OR51E2: variants seen among roughly 807,000 people sequenced by gnomAD.
OR51E2 encodes the protein olfactory receptor 51E2.
In OR51E2, 14 loss-of-function variants were observed where a neutral mutation model predicts 13.7. That is an observed-to-expected ratio of 1.02 (90% CI 0.68 to 1.60). The LOEUF (loss-of-function observed/expected upper bound fraction) is 1.60. Among genes scored for constraint, OR51E2 ranks in the 40% most tolerant of loss-of-function variants. The probability of loss-of-function intolerance (pLI) is 0.00; values close to 1 mark genes in which losing one functional copy is unlikely to be tolerated. For missense variants in OR51E2, 483 were observed against 413.8 expected, an observed-to-expected ratio of 1.17 and a Z score of -1.45; for synonymous variants, 180 against 157.6, an observed-to-expected ratio of 1.14 and a Z score of -1.07.
intron 1 of OR51E2, chr11:4,690,905 A>C: frequency 2.2e-6 from 1 of 456,404 alleles, no homozygotes; most frequent in Non-Finnish European, 4.4e-6. Context: ...CTTGTTTCCC[A>C]AATCTGTGAA....
Position 4,682,245 on chromosome 11 carries a change from A to C in OR51E2, c.467T>G (p.Phe156Cys). Residue 156 changes from phenylalanine to cysteine, a missense_variant, in exon 2 of 2, where the codon TTC becomes TGC. Transcript: ENST00000396950. Reference sequence around the variant, plus strand: ...CCGCTTGATCAGCAGAGGCAGTGGGAAAAAAAAGAGGGATCCGCGGACCAC... The same window carrying C: ...CCGCTTGATCAGCAGAGGCAGTGGGCAAAAAAAGAGGGATCCGCGGACCAC... Reference protein sequence around the residue: ...VAVVRGSLFFFPLPLLIKRLA... With the variant: ...VAVVRGSLFFCPLPLLIKRLA... 3.7e-6 allele frequency: 6 copies of C among 1,613,888 alleles called. No individual in the cohort carries two copies. The highest frequency in any genetic ancestry group is 4.2e-6 in the Non-Finnish European group (5 of 1,179,922).
Position 4,681,594 on chromosome 11 carries a change from A to ATTTATT in OR51E2, c.*154_*155insAATAAA. The stretch of plus-strand genomic sequence containing the variant: ...ACTTCATTAGTATGTATTATTCCAC[A>ATTTATT]TAATAGTCCTTTAGGTAGATGTACC... On this transcript the variant is annotated 3_prime_UTR_variant, in exon 2 of 2. Transcript: ENST00000396950. The ATTTATT allele has an allele frequency of 1.4e-6, 1 of 733,164 alleles. No individual in the cohort carries two copies. Among genetic ancestry groups the ATTTATT allele is most frequent in the East Asian group, 2.7e-5 (1 of 37,522 alleles). The allele number at this position is 733,164 out of a possible 1,614,324, so 45.4% of individuals were successfully genotyped here. A position where few individuals can be genotyped will look rare whatever the true frequency, so the allele number is the denominator to read the frequency against.
chr11:4,684,217 CT>C (rs1458859161), intron 1 of OR51E2, among the ~76,000 whole-genome samples: 2 of 152,212 alleles, frequency 1.3e-5, no homozygotes, highest in Admixed American at 6.5e-5. Flanking sequence ...ACCTTCAGAA[CT>C]TGTGCAGACA....
At chr11:4,687,853 CTTCTA>C (rs1167210610) in intron 1 of OR51E2, among the ~76,000 whole-genome samples, 1 of 152,108 alleles carries the variant, frequency 6.6e-6, no homozygotes, top group Non-Finnish European at 1.5e-5. Context: ...AGGAGAGCCC[CTTCTA>C]TTCTAAGTCA....
intron 1 of OR51E2, chr11:4,692,201 G>A (rs1465312041): frequency 2.2e-6 from 1 of 449,032 alleles, no homozygotes; most frequent in South Asian, 1.6e-5. Context: ...GACAATTTGG[G>A]AAGCCAGAAA....
In OR51E2 at chr11:4,682,070, G is replaced by A; in HGVS notation, c.642C>T (p.Ser214=). The change falls in exon 2 of 2, where the codon TCC becomes TCT. Residue 214 remains serine, a synonymous_variant. Coordinates refer to ENST00000396950, the MANE Select transcript of OR51E2 (RefSeq NM_030774.4). ...TTCGTATTATCAGAAAATAGGACAA[G>A]GAGATGAACATTACGTCCACGCCCA... is the stretch of plus-strand genomic sequence containing the variant. ...LVMGVDVMFI[S]LSYFLIIRTV... is the part of the protein sequence containing the mutation. The A allele has an allele frequency of 1.2e-6, 2 of 1,614,214 alleles. No homozygotes were observed. Among genetic ancestry groups the A allele is most frequent in the Non-Finnish European group, 1.7e-6 (2 of 1,180,040 alleles).
chr11:4,689,021 A>C (rs2133248985), intron 1 of OR51E2, among the ~76,000 whole-genome samples: 1 of 152,324 alleles, frequency 6.6e-6, no homozygotes, highest in Non-Finnish European at 1.5e-5. Flanking sequence ...ATACACAGGC[A>C]GTGGGATAAG....
Position 4,682,347 on chromosome 11 carries a change from T to C in OR51E2, c.365A>G (p.Tyr122Cys), listed in dbSNP as rs758245701. 2.5e-6 allele frequency: 4 copies of C among 1,614,034 alleles called. No individual in the cohort carries two copies. In the African/African-American group the frequency reaches 5.3e-5, roughly 22 times the overall value. ...GCGCAGTGGGTGGCAGATGGCCACA[T>C]AACGGTCAAAGGCCATGGCCAGCAG... Reference protein sequence around the residue: ...TILLAMAFDRYVAICHPLRHA... With the variant: ...TILLAMAFDRCVAICHPLRHA... The change falls in exon 2 of 2, where the codon TAT becomes TGT. Residue 122 changes from tyrosine to cysteine, a missense_variant. Transcript: ENST00000396950.
intron 1 of OR51E2, among the ~76,000 whole-genome samples, chr11:4,683,696 T>C (rs1418527658): frequency 6.6e-6 from 1 of 152,254 alleles, no homozygotes; most frequent in Non-Finnish European, 1.5e-5. Context: ...TTCCTGAAAC[T>C]TGTGCCAACA....
At chr11:4,691,478 C>G (rs1196931085) in intron 1 of OR51E2, 1 of 455,858 alleles carries the variant, frequency 2.2e-6, no homozygotes, top group South Asian at 1.6e-5. Flanking sequence ...TGGATATGGA[C>G]AGGCCGAGGT....
chr11:4,693,590 G>A (rs369498608), intron 1 of OR51E2, among the ~76,000 whole-genome samples: 3 of 152,016 alleles, frequency 2.0e-5, no homozygotes, highest in South Asian at 2.1e-4. Context: ...GCGTGGTGGC[G>A]GGCGCCTGTA....
rs1287518562 is a variant in OR51E2, at chr11:4,680,735, G to A, written c.*1014C>T. On this transcript the variant is annotated 3_prime_UTR_variant, in exon 2 of 2. Transcript: ENST00000396950. Reference sequence around the variant, plus strand: ...TTATAATAGTGCCAGAACATTGTGAGCACACATGAGATGTTCATTGGCATT... The same window carrying A: ...TTATAATAGTGCCAGAACATTGTGAACACACATGAGATGTTCATTGGCATT... 6.6e-6 allele frequency: 1 copy of A among 152,402 alleles called. No homozygotes were observed. Among genetic ancestry groups the A allele is most frequent in the East Asian group, 1.9e-4 (1 of 5,204 alleles). 9.4% of individuals were successfully genotyped at this position (152,402 alleles called of 1,614,324 possible). A position where few individuals can be genotyped will look rare whatever the true frequency, so the allele number is the denominator to read the frequency against.
chr11:4,692,278 A>T, intron 1 of OR51E2: 1 of 347,752 alleles, frequency 2.9e-6, no homozygotes, highest in Admixed American at 3.5e-5. Flanking sequence ...TGGCTTCAGC[A>T]TCTAACCATT....
chr11:4,697,023 C>A (rs191997437), intron 1 of OR51E2, among the ~76,000 whole-genome samples: 1 of 152,240 alleles, frequency 6.6e-6, no homozygotes, highest in East Asian at 1.9e-4. Context: ...GTCCTCAGTG[C>A]TTTATAAGCA....
intron 1 of OR51E2, among the ~76,000 whole-genome samples, chr11:4,689,289 A>G (rs1847550434): frequency 5.3e-5 from 8 of 152,200 alleles, no homozygotes. Context: ...TCCTACAGGG[A>G]ATGATGAGGA....
chr11:4,680,291 A>T lies in OR51E2; in HGVS notation c.*1458T>A, dbSNP rs906379157. ...AAAAAATGAAGACATGATCAAGGAG[A>T]TGTAAGAGACAAATAGACAACAACA... On this transcript the variant is annotated 3_prime_UTR_variant, in exon 2 of 2. Coordinates refer to ENST00000396950, the MANE Select transcript of OR51E2 (RefSeq NM_030774.4). The T allele has an allele frequency of 2.0e-5, 3 of 152,226 alleles. No individual in the cohort carries two copies. The highest frequency in any genetic ancestry group is 7.2e-5 in the African/African-American group (3 of 41,460). The allele number at this position is 152,226 out of a possible 1,614,324, so 9.4% of individuals were successfully genotyped here. A position where few individuals can be genotyped will look rare whatever the true frequency, so the allele number is the denominator to read the frequency against.
At chr11:4,683,094 A>G (rs184241903) in intron 1 of OR51E2, among the ~76,000 whole-genome samples, 1 of 152,020 alleles carries the variant, frequency 6.6e-6, no homozygotes, top group Admixed American at 6.6e-5. Flanking sequence ...AGCTCCTTCC[A>G]GATAAGGCTG....
chr11:4,683,582 C>T (rs1300447055), intron 1 of OR51E2, among the ~76,000 whole-genome samples: 1 of 152,184 alleles, frequency 6.6e-6, no homozygotes, highest in Non-Finnish European at 1.5e-5. Context: ...CACCTGAAAG[C>T]TTCTTCCAAG....
At position 4,682,543 on chromosome 11, in the gene OR51E2, G is replaced by C. The variant is rs1847468405; in HGVS notation, c.169C>G (p.Pro57Ala). 1 of 1,614,210 alleles carries C rather than the reference G, an allele frequency of 6.2e-7. No individual in the cohort carries two copies. The highest frequency in any genetic ancestry group is 8.5e-7 in the Non-Finnish European group (1 of 1,180,042). Residue 57 changes from proline (P) to alanine (A), a missense_variant, in exon 2 of 2, where the codon CCG becomes GCG. Transcript: ENST00000396950. ...AGCATGCAGAGAAAGAGGTACATCG[G>C]AGCGTGCAGGCTGCGTTCCGTCCTT... ...IVRTERSLHA[P>A]MYLFLCMLAA...
Sources: allele counts gnomAD v4.1 joint callset (sites outside exome capture counted in the v4.1 genomes callset), GRCh38; gene constraint gnomAD v4.1.1; transcripts MANE v1.5; gene names NCBI Gene and HGNC (gene_info 2026-07-23, HGNC 2026-07-21).